The following PPP1R16B variants were observed in gnomAD, a reference collection of about 807,000 sequenced individuals.
The protein encoded by PPP1R16B is protein phosphatase 1 regulatory subunit 16B.
Under a neutral mutation model 61.7 loss-of-function variants are expected in PPP1R16B, and 14 were observed. That is an observed-to-expected ratio of 0.23 (90% CI 0.15 to 0.35). The LOEUF is 0.35. Among genes scored for constraint, PPP1R16B ranks in the 10% least tolerant of loss-of-function variants. PPP1R16B has a pLI of 1.00. For synonymous variants in PPP1R16B, 266 were observed against 305.3 expected (o/e 0.87, Z 1.34); for missense variants, 547 against 752.5 (o/e 0.73, Z 3.19).
intron 2 of PPP1R16B, among the ~76,000 whole-genome samples, chr20:38,863,964 C>T (rs1038691074): frequency 7.9e-5 from 12 of 152,166 alleles, no homozygotes; most frequent in African/African-American, 2.7e-4. Flanking sequence ...TGAGGGGATA[C>T]ATGGAATGCA....
intron 1 of PPP1R16B, among the ~76,000 whole-genome samples, chr20:38,829,336 A>G (rs1399789398): frequency 6.6e-6 from 1 of 152,132 alleles, no homozygotes; most frequent in Admixed American, 6.5e-5. Context: ...CTCTTCTCAT[A>G]TCACAGATAC....
At chr20:38,853,455 A>C (rs1487920189) in intron 2 of PPP1R16B, among the ~76,000 whole-genome samples, 1 of 152,060 alleles carries the variant, frequency 6.6e-6, no homozygotes, top group Admixed American at 6.6e-5. Context: ...GCTAAATGAA[A>C]CCCAAATCTT....
intron 5 of PPP1R16B, 34 bp from the exon 6 acceptor site, chr20:38,902,634 G>A: frequency 6.2e-7 from 1 of 1,613,762 alleles, no homozygotes; most frequent in Non-Finnish European, 8.5e-7. Flanking sequence ...GTAGGCCTGA[G>A]GGTGCTAAAT....
Position 38,919,027 on chromosome 20 carries a change from C to T in PPP1R16B, c.*361C>T, listed in dbSNP as rs1346062179. The T allele has an allele frequency of 5.3e-6, 1 of 189,382 alleles. No individual in the cohort carries two copies. Among genetic ancestry groups the T allele is most frequent in the Non-Finnish European group, 1.1e-5 (1 of 92,288 alleles). 11.7% of individuals were successfully genotyped at this position (189,382 alleles called of 1,614,324 possible). A position where few individuals can be genotyped will look rare whatever the true frequency, so the allele number is the denominator to read the frequency against. On this transcript the variant is annotated 3_prime_UTR_variant, in exon 11 of 11. Transcript: ENST00000299824. ...ACACACACACACACACACATATACA[C>T]ACACACACAAGCTCGATCAGTGTGT...
At chr20:38,899,883 GC>G (rs2085378026) in intron 4 of PPP1R16B, among the ~76,000 whole-genome samples, 1 of 151,560 alleles carries the variant, frequency 6.6e-6, no homozygotes, top group South Asian at 2.1e-4. Flanking sequence ...TGCAACCTCT[GC>G]CTCCCAGTTT....
chr20:38,890,573 G>A (rs957737199), intron 3 of PPP1R16B, among the ~76,000 whole-genome samples: 3 of 152,332 alleles, frequency 2.0e-5, no homozygotes, highest in Middle Eastern at 3.4e-3. Flanking sequence ...CTCTTCCTTC[G>A]TAATTAGTCA....
intron 2 of PPP1R16B, among the ~76,000 whole-genome samples, chr20:38,853,470 G>T (rs1445833162): frequency 6.6e-6 from 1 of 152,200 alleles, no homozygotes; most frequent in African/African-American, 2.4e-5. Flanking sequence ...AATCTTGATG[G>T]AGGTGTTAGG....
chr20:38,817,915 G>A (rs1209909146), intron 1 of PPP1R16B, among the ~76,000 whole-genome samples: 2 of 152,322 alleles, frequency 1.3e-5, no homozygotes, highest in African/African-American at 4.8e-5. Context: ...GTGGTGGCGG[G>A]CACCTGTAGT....
At chr20:38,863,868 T>C (rs991969624) in intron 2 of PPP1R16B, among the ~76,000 whole-genome samples, 3 of 152,232 alleles carry the variant, frequency 2.0e-5, no homozygotes, top group African/African-American at 7.2e-5. Context: ...GACATAAGTC[T>C]ACATAAACAC....
chr20:38,872,012 T>C (rs2145745509), intron 2 of PPP1R16B, among the ~76,000 whole-genome samples: 1 of 152,320 alleles, frequency 6.6e-6, no homozygotes, highest in East Asian at 1.9e-4. Context: ...ACACTAAATC[T>C]TCAAGGTCAC....
intron 2 of PPP1R16B, among the ~76,000 whole-genome samples, chr20:38,870,950 C>T (rs1422861894): frequency 6.6e-6 from 1 of 152,150 alleles, no homozygotes; most frequent in Non-Finnish European, 1.5e-5. Context: ...CCCCAGTTTA[C>T]TGCAGTCCTG....
At chr20:38,834,195 A>G (rs1202952022) in intron 1 of PPP1R16B, among the ~76,000 whole-genome samples, 3 of 152,084 alleles carry the variant, frequency 2.0e-5, no homozygotes, top group Non-Finnish European at 2.9e-5. Flanking sequence ...TTTTTTGTAG[A>G]GATAAGGGTC....
chr20:38,879,040 G>A (rs987404246), intron 2 of PPP1R16B, among the ~76,000 whole-genome samples: 5 of 152,166 alleles, frequency 3.3e-5, no homozygotes, highest in East Asian at 1.9e-4. Flanking sequence ...CAGGCTCTGC[G>A]GAGCGGAAGG....
Position 38,906,023 on chromosome 20 carries a change from C to T in PPP1R16B, c.751C>T (p.His251Tyr), listed in dbSNP as rs772651418. 5 of 1,613,648 alleles carry T rather than the reference C, an allele frequency of 3.1e-6. No individual in the cohort carries two copies. In the South Asian group the frequency reaches 5.5e-5, roughly 18 times the overall value. ...YLRAAELLLD[H>Y]GVRVDVKDWD... ...GCGGGCAGCTGAGCTCCTCCTGGAC[C>T]ATGGAGTGCGTGTGGATGTGAAGGA... The change falls in exon 7 of 11, where the codon CAT becomes TAT. Residue 251 changes from histidine to tyrosine, a missense_variant. Physicochemically the swap from His to Tyr is moderately conservative, Grantham distance 83. Transcript: ENST00000299824.
At chr20:38,903,714 G>A (rs1251131904) in intron 6 of PPP1R16B, among the ~76,000 whole-genome samples, 1 of 152,098 alleles carries the variant, frequency 6.6e-6, no homozygotes, top group East Asian at 1.9e-4. Flanking sequence ...AGAACAATGG[G>A]ACCTTCTTCT....
chr20:38,863,996 T>C (rs1354589916), intron 2 of PPP1R16B, among the ~76,000 whole-genome samples: 2 of 152,214 alleles, frequency 1.3e-5, no homozygotes, highest in African/African-American at 2.4e-5. Context: ...CAATGGAATA[T>C]CATTCTGCCA....
At chr20:38,875,280 C>T (rs190673536) in intron 2 of PPP1R16B, among the ~76,000 whole-genome samples, 13 of 152,312 alleles carry the variant, frequency 8.5e-5, no homozygotes, top group African/African-American at 1.4e-4. Flanking sequence ...TGCTCCCCTC[C>T]GGGCCCAGCC....
chr20:38,912,503 CAA>C (rs58456397), intron 10 of PPP1R16B, among the ~76,000 whole-genome samples: 188 of 80,974 alleles, frequency 2.3e-3, no homozygotes, highest in African/African-American at 7.0e-3. Flanking sequence ...TACCCCCCAC[CAA>C]AAAAAAAAAA....
intron 2 of PPP1R16B, among the ~76,000 whole-genome samples, chr20:38,862,381 G>C (rs1442757500): frequency 6.6e-6 from 1 of 152,336 alleles, no homozygotes; most frequent in Admixed American, 6.5e-5. Context: ...AAGCTGAGGT[G>C]CAGAGAGGTT....
Sources: gnomAD v4.1 joint callset for allele counts (sites outside exome capture counted in the v4.1 genomes callset) on GRCh38, gnomAD v4.1.1 for gene constraint, MANE v1.5 for transcripts, NCBI Gene and HGNC (gene_info 2026-07-23, HGNC 2026-07-21) for gene names.